CBFA2T2: variants seen among roughly 807,000 people sequenced by gnomAD.
CBFA2T2 encodes the protein CBFA2/RUNX1 partner transcriptional co-repressor 2, also known as protein CBFA2T2.
CBFA2T2 carries 11 observed loss-of-function variants against 62.2 expected under a neutral mutation model. The ratio of observed to expected loss-of-function variants is 0.18; its 90% CI spans 0.11 to 0.29. The LOEUF (loss-of-function observed/expected upper bound fraction) is 0.29. Among genes scored for constraint, CBFA2T2 ranks in the 10% least tolerant of loss-of-function variants. The pLI is 1.00. For missense variants in CBFA2T2, 592 were observed against 774.1 expected, an observed-to-expected ratio of 0.76 and a Z score of 2.79; for synonymous variants, 295 against 287.5, an observed-to-expected ratio of 1.03 and a Z score of -0.27.
At position 33,491,531 on chromosome 20, in the gene CBFA2T2, C is replaced by CT. The variant is rs539764317; in HGVS notation, c.34+1239dup. On this transcript the variant is annotated intron_variant, in intron 1 of 10. Transcript: ENST00000342704. Reference sequence around the variant, plus strand: ...CACGTGAAAGGGAGGCTTTACGCTTCTTTTTTTTTGCACCCATTAAATGTT... The same window carrying CT: ...CACGTGAAAGGGAGGCTTTACGCTTCTTTTTTTTTTGCACCCATTAAATGTT... Among the ~76,000 whole-genome samples, 832 of 151,072 alleles carry CT rather than the reference C, an allele frequency of 5.5e-3. 4 individuals carry two copies. Among genetic ancestry groups the CT allele is most frequent in the Non-Finnish European group, 9.3e-3 (627 of 67,672 alleles).
chr20:33,602,361 A>G (rs1016620230), intron 1 of CBFA2T2, among the ~76,000 whole-genome samples: 1 of 150,228 alleles, frequency 6.7e-6, no homozygotes, highest in Middle Eastern at 3.2e-3. Flanking sequence ...ATTGCTTGGG[A>G]GTAGCCTTTC....
At chr20:33,507,083 A>G (rs910588209) in intron 1 of CBFA2T2, among the ~76,000 whole-genome samples, 1 of 152,180 alleles carries the variant, frequency 6.6e-6, no homozygotes, top group Non-Finnish European at 1.5e-5. Flanking sequence ...TAAGGGCCTG[A>G]TATTTGTATT....
intron 1 of CBFA2T2, among the ~76,000 whole-genome samples, chr20:33,582,706 C>G (rs897576112): frequency 3.9e-5 from 6 of 152,078 alleles, no homozygotes; most frequent in Admixed American, 2.6e-4. Context: ...TTTTGGGAAG[C>G]CAAGGCAGGC....
At chr20:33,605,878 G>A (rs2015323042) in intron 1 of CBFA2T2, among the ~76,000 whole-genome samples, 1 of 151,834 alleles carries the variant, frequency 6.6e-6, no homozygotes, top group African/African-American at 2.4e-5. Flanking sequence ...GAGTGCAGTG[G>A]CATGATCTTG....
chr20:33,500,214 C>T (rs548574111), intron 1 of CBFA2T2, among the ~76,000 whole-genome samples: 347 of 152,122 alleles, frequency 2.3e-3, no homozygotes, highest in Non-Finnish European at 3.8e-3. Flanking sequence ...CTCTGCCTCC[C>T]AAAGTGGTGG....
intron 3 of CBFA2T2, among the ~76,000 whole-genome samples, chr20:33,613,144 T>C (rs2015587909): frequency 6.6e-6 from 1 of 152,254 alleles, no homozygotes; most frequent in Non-Finnish European, 1.5e-5. Context: ...AAATGCAATA[T>C]ATGACTTTTT....
rs563576292 is a variant in CBFA2T2, at chr20:33,520,641, C to T, written c.34+30340C>T. Among the ~76,000 whole-genome samples, 84 of 151,930 alleles carry T rather than the reference C, an allele frequency of 5.5e-4. 1 individual carries two copies. In the South Asian group the frequency reaches 0.016, roughly 30 times the overall value. On this transcript the variant is annotated intron_variant, in intron 1 of 10. Transcript: ENST00000342704. ...CAAAAATTAGCTGGGTGTGGTGGCA[C>T]GCATCTGTATTCCAAGCTACTTGGG... is the stretch of plus-strand genomic sequence containing the variant.
At position 33,623,044 on chromosome 20, in the gene CBFA2T2, G is replaced by GA. The variant is rs2016054262; in HGVS notation, c.511-68dup. On this transcript the variant is annotated intron_variant, in intron 4 of 10. Transcript: ENST00000342704. ...TTTTATCTTGTATCATCTGCTTTGT[G>GA]AAAGCCCTTTGAGGTGCTGAGCCTT... The GA allele has an allele frequency of 1.2e-5, 17 of 1,453,892 alleles. No individual in the cohort carries two copies. The South Asian group carries it at 1.9e-4, about 16-fold the overall frequency. The allele number at this position is 1,453,892 out of a possible 1,614,324, so 90.1% of individuals were successfully genotyped here. A position where few individuals can be genotyped will look rare whatever the true frequency, so the allele number is the denominator to read the frequency against.
intron 3 of CBFA2T2, among the ~76,000 whole-genome samples, chr20:33,616,857 T>C (rs549286587): frequency 5.3e-5 from 8 of 152,330 alleles, no homozygotes; most frequent in African/African-American, 1.9e-4. Context: ...CTCTCTGCTC[T>C]GACACATCTT....
At chr20:33,515,961 T>C (rs566684644) in intron 1 of CBFA2T2, among the ~76,000 whole-genome samples, 10 of 151,940 alleles carry the variant, frequency 6.6e-5, no homozygotes, top group African/African-American at 2.2e-4. Context: ...CTGAGCAAAA[T>C]AGCAAGAATG....
At chr20:33,573,629 G>A (rs979167920) in intron 1 of CBFA2T2, among the ~76,000 whole-genome samples, 2 of 151,874 alleles carry the variant, frequency 1.3e-5, no homozygotes, top group Non-Finnish European at 2.9e-5. Context: ...CTACAGGCGT[G>A]CACTACCATG....
chr20:33,625,504 C>T (rs1175204999), intron 6 of CBFA2T2, among the ~76,000 whole-genome samples: 1 of 152,100 alleles, frequency 6.6e-6, no homozygotes, highest in Non-Finnish European at 1.5e-5. Context: ...AAAGGGGTAT[C>T]GCCTATTCTC....
rs186494027 is a variant in CBFA2T2, at chr20:33,547,195, G to A, written c.34+56894G>A. On this transcript the variant is annotated intron_variant, in intron 1 of 10. Transcript: ENST00000342704. ...AGCCTGGGCAACAGGGCGAGACTCC[G>A]TCTCAAAAAGAAAAAAATAAAAAAG... 2.7e-3 allele frequency among the ~76,000 whole-genome samples: 414 copies of A among 151,922 alleles called. 1 individual carries two copies. The highest frequency in any genetic ancestry group is 8.5e-3 in the African/African-American group (351 of 41,476).
intron 1 of CBFA2T2, among the ~76,000 whole-genome samples, chr20:33,559,710 T>TC (rs1461697309): frequency 6.6e-6 from 1 of 152,080 alleles, no homozygotes; most frequent in Non-Finnish European, 1.5e-5. Flanking sequence ...ATGGTCTTGA[T>TC]CTCCTGACCT....
At chr20:33,568,055 A>G (rs1311988389) in intron 1 of CBFA2T2, among the ~76,000 whole-genome samples, 1 of 152,188 alleles carries the variant, frequency 6.6e-6, no homozygotes, top group Non-Finnish European at 1.5e-5. Context: ...GGACAGATGG[A>G]GAGAAGACGG....
At chr20:33,557,304 C>T (rs540878479) in intron 1 of CBFA2T2, among the ~76,000 whole-genome samples, 2 of 151,674 alleles carry the variant, frequency 1.3e-5, no homozygotes, top group African/African-American at 4.8e-5. Flanking sequence ...TGAGCCACTG[C>T]GCCCAGCTGT....
chr20:33,619,570 C>T lies in CBFA2T2; in HGVS notation c.474C>T (p.Asn158=). Residue 158 remains asparagine, a synonymous_variant, in exon 4 of 11, where the codon AAC becomes AAT. Coordinates refer to ENST00000342704, the MANE Select transcript of CBFA2T2 (RefSeq NM_001032999.3). ...EFHCKLQEAT[N]FPLRPFVIPF... is the part of the protein sequence containing the mutation. ...ACTGTAAGCTCCAAGAAGCCACAAA[C>T]TTTCCCCTTCGTCCTTTTGTGATTC... 1 of 1,609,294 alleles carries T rather than the reference C, an allele frequency of 6.2e-7. No individual in the cohort carries two copies. The highest frequency in any genetic ancestry group is 8.5e-7 in the Non-Finnish European group (1 of 1,177,648).
At chr20:33,591,467 CAAA>C (rs11475752) in intron 1 of CBFA2T2, among the ~76,000 whole-genome samples, 2 of 98,086 alleles carry the variant, frequency 2.0e-5, no homozygotes, top group Non-Finnish European at 4.5e-5. Context: ...GAGTAAATCT[CAAA>C]AAAAAAAAAA....
chr20:33,525,634 T>A (rs2011866932), intron 1 of CBFA2T2, among the ~76,000 whole-genome samples: 1 of 152,164 alleles, frequency 6.6e-6, no homozygotes. Context: ...ATTTTTCCTT[T>A]CCCCAGTCCC....
Sources: gnomAD v4.1 joint callset for allele counts (sites outside exome capture counted in the v4.1 genomes callset) on GRCh38, gnomAD v4.1.1 for gene constraint, MANE v1.5 for transcripts, NCBI Gene and HGNC (gene_info 2026-07-23, HGNC 2026-07-21) for gene names.